TLK1: variants seen among roughly 807,000 people sequenced by gnomAD.
TLK1 encodes tousled like kinase 1, also known as serine/threonine-protein kinase tousled-like 1.
TLK1 carries 24 observed loss-of-function variants against 105.3 expected under a neutral mutation model. The observed-to-expected ratio is 0.23, with a 90% CI of 0.17 to 0.32. The LOEUF is 0.32. Ranked by LOEUF, TLK1 falls within the 10% of genes least tolerant of loss-of-function variation. TLK1 has a pLI of 1.00. For synonymous variants in TLK1, 321 were observed against 310.4 expected (o/e 1.03, Z -0.36); for missense variants, 558 against 910.5 (o/e 0.61, Z 4.98).
chr2:170,994,566 G>A (rs184687257), intron 20 of TLK1: 1 of 276,566 alleles, frequency 3.6e-6, no homozygotes, highest in Admixed American at 4.2e-5. Context: ...TTCCTGAAGT[G>A]TAACACATTT....
rs542344328 is a variant in TLK1, at chr2:171,034,312, A to G, written c.1170-5907T>C. Among the ~76,000 whole-genome samples the G allele has an allele frequency of 4.6e-5, 7 of 152,334 alleles. No individual in the cohort carries two copies. In the South Asian group the frequency reaches 1.4e-3, roughly 32 times the overall value. ...GTAGACAGGTGTTTATAGCAGAACT[A>G]TTTATAATAACCAAAGGGTGGAAAC... is the stretch of plus-strand genomic sequence containing the variant. On this transcript the variant is annotated intron_variant, in intron 11 of 20. Transcript: ENST00000431350.
At chr2:171,010,304 C>A (rs1029359120) in intron 14 of TLK1, among the ~76,000 whole-genome samples, 1 of 152,018 alleles carries the variant, frequency 6.6e-6, no homozygotes, top group Non-Finnish European at 1.5e-5. Context: ...AGATGAATGG[C>A]AATGTTATAT....
upstream of TLK1, among the ~76,000 whole-genome samples, chr2:171,164,331 A>G (rs1336255902): frequency 2.0e-5 from 3 of 152,194 alleles, no homozygotes; most frequent in Non-Finnish European, 4.4e-5. Context: ...AGAAGATAAC[A>G]TTTTCACACT....
At chr2:171,055,646 T>C (rs1422550345) in intron 6 of TLK1, among the ~76,000 whole-genome samples, 2 of 152,050 alleles carry the variant, frequency 1.3e-5, no homozygotes, top group Non-Finnish European at 2.9e-5. Context: ...TGAAAGCAGA[T>C]TATAACATTG....
chr2:171,120,099 ATT>A (rs1460792540), intron 1 of TLK1, among the ~76,000 whole-genome samples: 5 of 151,986 alleles, frequency 3.3e-5, no homozygotes, highest in Non-Finnish European at 5.9e-5. Flanking sequence ...ATACAAAAAA[ATT>A]AGCCGAGCGT....
intron 3 of TLK1, among the ~76,000 whole-genome samples, chr2:171,080,095 G>A (rs988045050): frequency 1.3e-4 from 20 of 151,542 alleles, no homozygotes; most frequent in Admixed American, 1.2e-3. Context: ...TATTCAGGAG[G>A]TTGAGGCAGG....
intron 14 of TLK1, 127 bp from the exon 15 acceptor site, chr2:171,007,190 C>G: frequency 1.5e-6 from 1 of 664,486 alleles, no homozygotes. Context: ...TATTAATGAT[C>G]TTCTCTGCTA....
intron 12 of TLK1, among the ~76,000 whole-genome samples, chr2:171,027,493 C>T (rs904840510): frequency 3.3e-5 from 5 of 152,282 alleles, no homozygotes; most frequent in South Asian, 4.1e-4. Context: ...TAAAAGTTTA[C>T]GACAATAACA....
At chr2:171,152,490 T>C (rs1036276060) in intron 1 of TLK1, among the ~76,000 whole-genome samples, 1 of 152,112 alleles carries the variant, frequency 6.6e-6, no homozygotes, top group Non-Finnish European at 1.5e-5. Flanking sequence ...AGGTTTGCTA[T>C]ATAATACATG....
intron 1 of TLK1, among the ~76,000 whole-genome samples, chr2:171,145,100 G>T (rs1691737517): frequency 6.6e-6 from 1 of 152,146 alleles, no homozygotes; most frequent in African/African-American, 2.4e-5. Context: ...CTTGAGGCCA[G>T]GAGTTCGAGA....
intron 1 of TLK1, among the ~76,000 whole-genome samples, chr2:171,154,224 C>T (rs746452938): frequency 9.2e-5 from 14 of 152,194 alleles, no homozygotes; most frequent in Non-Finnish European, 2.1e-4. Context: ...TATAACCTTG[C>T]AAAGGTTATA....
At chr2:170,994,321 G>A (rs372061339) in intron 20 of TLK1, among the ~76,000 whole-genome samples, 33 of 152,206 alleles carry the variant, frequency 2.2e-4, no homozygotes, top group African/African-American at 7.5e-4. Context: ...CAAAGGGTAA[G>A]ATGCCATTTT....
At position 171,160,145 on chromosome 2, in the gene TLK1, G is replaced by T. The variant is rs1049937541; in HGVS notation, c.139+145C>A. The T allele has an allele frequency of 3.3e-6, 3 of 910,918 alleles. No homozygotes were observed. Among genetic ancestry groups the T allele is most frequent in the African/African-American group, 1.8e-5 (1 of 56,086 alleles). 56.4% of individuals were successfully genotyped at this position (910,918 alleles called of 1,614,324 possible). A position where few individuals can be genotyped will look rare whatever the true frequency, so the allele number is the denominator to read the frequency against. ...CTACCTCCCCAGAGCCGGGGAGCCG[G>T]GCGGCCTCGCGTCCACCTCGCCACC... is the stretch of plus-strand genomic sequence containing the variant. On this transcript the variant is annotated intron_variant, in intron 1 of 20. Coordinates refer to ENST00000431350, the MANE Select transcript of TLK1 (RefSeq NM_012290.5). This position sits in a 1 kb window ranked among gnomAD's most constrained non-coding sequence, Gnocchi z 4.4.
intron 2 of TLK1, among the ~76,000 whole-genome samples, chr2:171,109,172 T>C (rs1245093783): frequency 6.6e-6 from 1 of 152,184 alleles, no homozygotes; most frequent in African/African-American, 2.4e-5. Flanking sequence ...ATCTAAGATC[T>C]GAACAAATAC....
At chr2:171,108,709 T>C (rs1444231949) in intron 2 of TLK1, among the ~76,000 whole-genome samples, 1 of 151,776 alleles carries the variant, frequency 6.6e-6, no homozygotes, top group Non-Finnish European at 1.5e-5. Context: ...GCTCAAGTAA[T>C]CCTCCCAACT....
rs1687431703 is a variant in TLK1 at position 171,055,078 on chromosome 2, T to C, written c.639+5A>G. The C allele has an allele frequency of 1.4e-6, 2 of 1,449,168 alleles. No individual in the cohort carries two copies. The highest frequency in any genetic ancestry group is 1.5e-5 in the African/African-American group (1 of 67,360). The allele number at this position is 1,449,168 out of a possible 1,614,324, so 89.8% of individuals were successfully genotyped here. On this transcript the variant is annotated splice_donor_5th_base_variant and intron_variant, in intron 7 of 20. Transcript: ENST00000431350. ...ATAGAAAAAAACATTTTAATTATCA[T>C]TTACCTGAATAATTTTAAAGGATAA...
At chr2:171,061,636 C>T (rs919536450) in intron 3 of TLK1, among the ~76,000 whole-genome samples, 3 of 152,192 alleles carry the variant, frequency 2.0e-5, no homozygotes, top group South Asian at 2.1e-4. Context: ...GGACCATCCA[C>T]GTAAATGCCT....
intron 1 of TLK1, among the ~76,000 whole-genome samples, chr2:171,168,442 A>G (rs1292112172): frequency 6.6e-6 from 1 of 152,214 alleles, no homozygotes; most frequent in Non-Finnish European, 1.5e-5. Context: ...TCTGAGCTGC[A>G]AGTGATTTTT....
intron 1 of TLK1, among the ~76,000 whole-genome samples, chr2:171,124,629 CCAATGAATAA>C (rs1218888326): frequency 1.3e-5 from 2 of 152,162 alleles, no homozygotes; most frequent in African/African-American, 4.8e-5. Flanking sequence ...AAAGTATCTG[CCAATGAATAA>C]CAATGAATAA....
Sources: allele counts gnomAD v4.1 joint callset (sites outside exome capture counted in the v4.1 genomes callset), GRCh38; gene constraint gnomAD v4.1.1; non-coding constraint Gnocchi (gnomAD v3.1); transcripts MANE v1.5; gene names NCBI Gene and HGNC (gene_info 2026-07-23, HGNC 2026-07-21).